Variants in STARD13 observed in about 807,000 individuals in gnomAD.
STARD13 encodes the protein StAR related lipid transfer domain containing 13, also known as stAR-related lipid transfer protein 13.
STARD13 carries 62 observed loss-of-function variants against 106.4 expected under a neutral mutation model. The ratio of observed to expected loss-of-function variants is 0.58; its 90% CI spans 0.48 to 0.72. The LOEUF (loss-of-function observed/expected upper bound fraction) is 0.72. STARD13 is among the 30% of genes least tolerant of loss of function. The probability of loss-of-function intolerance (pLI) is 0.00; values close to 1 mark genes in which losing one functional copy is unlikely to be tolerated. For synonymous variants in STARD13, 565 were observed against 553.0 expected (o/e 1.02, Z -0.31); for missense variants, 1,387 against 1,424.0 (o/e 0.97, Z 0.42).
chr13:33,215,957 A>G (rs1888015010), intron 1 of STARD13, among the ~76,000 whole-genome samples: 1 of 152,226 alleles, frequency 6.6e-6, no homozygotes, highest in South Asian at 2.1e-4. Context: ...AAACGTATAC[A>G]AAAATGCTCA....
chr13:33,621,543 G>A, the STARD13 span, among the ~76,000 whole-genome samples: 9 of 151,580 alleles, frequency 5.9e-5, no homozygotes, highest in Admixed American at 1.3e-4. Context: ...AGCCGGGTGT[G>A]GTGGTGGGTG....
intron 1 of STARD13, among the ~76,000 whole-genome samples, chr13:33,189,584 G>C (rs1886092081): frequency 6.6e-6 from 1 of 151,820 alleles, no homozygotes; most frequent in Admixed American, 6.6e-5. Flanking sequence ...TCTTGCTGCT[G>C]TGTATGAACC....
chr13:33,407,585 A>T, the STARD13 span, among the ~76,000 whole-genome samples: 1 of 152,218 alleles, frequency 6.6e-6, no homozygotes, highest in East Asian at 1.9e-4. Flanking sequence ...GATGGAAATT[A>T]TGGGTTTTTT....
At chr13:33,432,205 C>T in the STARD13 span, among the ~76,000 whole-genome samples, 1 of 152,122 alleles carries the variant, frequency 6.6e-6, no homozygotes, top group East Asian at 1.9e-4. Flanking sequence ...AGAGGACCCA[C>T]AGTCACTCGC....
intron 1 of STARD13, among the ~76,000 whole-genome samples, chr13:33,207,307 C>T (rs73179032): frequency 7.6e-4 from 116 of 152,322 alleles, no homozygotes; most frequent in Non-Finnish European, 1.2e-3. Context: ...CTTCCACTCT[C>T]ACTCAATAGA....
In STARD13 at chr13:33,129,949, G is replaced by T. The variant is rs768645520; in HGVS notation, c.728C>A (p.Pro243His). ...GGGCTTCTCATTCTTGGGGTGGAAG[G>T]GGTGGTTGAGGACATCTCTGGGGGG... ...PQPPRDVLNH[P>H]FHPKNEKPTR... The change falls in exon 5 of 14, where the codon CCC (proline) becomes CAC (histidine). Residue 243 changes from proline (P) to histidine (H), a missense_variant. By Grantham distance (77) the Pro-to-His change is moderately conservative. Coordinates refer to ENST00000336934, the MANE Select transcript of STARD13 (RefSeq NM_178006.4). The T allele has an allele frequency of 6.2e-7, 1 of 1,613,516 alleles. No homozygotes were observed. Among genetic ancestry groups the T allele is most frequent in the Non-Finnish European group, 8.5e-7 (1 of 1,179,976 alleles).
chr13:33,628,710 G>C, the STARD13 span, among the ~76,000 whole-genome samples: 2 of 152,156 alleles, frequency 1.3e-5, no homozygotes, highest in African/African-American at 4.8e-5. Flanking sequence ...AATGACTGAC[G>C]TGGCTGAGCA....
chr13:33,464,183 T>C, the STARD13 span, among the ~76,000 whole-genome samples: 4 of 151,930 alleles, frequency 2.6e-5, no homozygotes, highest in South Asian at 4.2e-4. Flanking sequence ...AGAGAGAATA[T>C]TGATGAAACA....
At chr13:33,201,115 A>G (rs1347662290) in intron 1 of STARD13, among the ~76,000 whole-genome samples, 2 of 152,214 alleles carry the variant, frequency 1.3e-5, no homozygotes, top group Non-Finnish European at 2.9e-5. Context: ...ATGCTTAAAG[A>G]AGCAATGTGC....
the STARD13 span, among the ~76,000 whole-genome samples, chr13:33,598,447 T>G: frequency 2.1e-3 from 326 of 152,318 alleles, 1 homozygote; most frequent in African/African-American, 7.4e-3. Context: ...TTTAAATTAA[T>G]CTATCCTATT....
At chr13:33,316,447 T>C (rs1434338025) in intron 1 of STARD13, among the ~76,000 whole-genome samples, 5 of 152,234 alleles carry the variant, frequency 3.3e-5, no homozygotes, top group African/African-American at 1.2e-4. Context: ...TTCCACTTTG[T>C]AGTGTGACTA....
chr13:33,288,039 A>G (rs2138424052), upstream of STARD13, among the ~76,000 whole-genome samples: 1 of 152,162 alleles, frequency 6.6e-6, no homozygotes, highest in East Asian at 1.9e-4. Context: ...TCTATTATGA[A>G]AACAAGTGGA....
At chr13:33,623,428 T>TAAAA in the STARD13 span, among the ~76,000 whole-genome samples, 20 of 59,350 alleles carry the variant, frequency 3.4e-4, no homozygotes, top group Middle Eastern at 0.011. Flanking sequence ...CTCAATAAAG[T>TAAAA]AAAAAAAAAA....
the STARD13 span, among the ~76,000 whole-genome samples, chr13:33,393,145 A>G: frequency 6.6e-6 from 1 of 152,242 alleles, no homozygotes; most frequent in South Asian, 2.1e-4. Context: ...AGTAGTTTGA[A>G]AAATTTATTT....
chr13:33,440,977 T>C, the STARD13 span, among the ~76,000 whole-genome samples: 3 of 151,654 alleles, frequency 2.0e-5, no homozygotes, highest in Admixed American at 2.0e-4. Context: ...CCTCAAACTC[T>C]GTGTCCAAAA....
chr13:33,326,474 T>C (rs1184751989), intron 1 of STARD13, among the ~76,000 whole-genome samples: 2 of 152,232 alleles, frequency 1.3e-5, no homozygotes, highest in Non-Finnish European at 2.9e-5. Context: ...AACTATTGTC[T>C]TTGGTTTCTT....
At chr13:33,555,592 C>A in the STARD13 span, among the ~76,000 whole-genome samples, 2 of 152,148 alleles carry the variant, frequency 1.3e-5, no homozygotes, top group South Asian at 2.1e-4. Context: ...CCTCTGTAGT[C>A]CAACCTAACC....
intron 1 of STARD13, among the ~76,000 whole-genome samples, chr13:33,328,917 T>C (rs889605787): frequency 3.3e-5 from 5 of 152,250 alleles, no homozygotes; most frequent in African/African-American, 1.2e-4. Context: ...ACTTTATTGT[T>C]GCCCTGGTGA....
the STARD13 span, among the ~76,000 whole-genome samples, chr13:33,669,481 C>T: frequency 1.3e-5 from 2 of 149,952 alleles, no homozygotes; most frequent in African/African-American, 5.0e-5. Flanking sequence ...TCACCTCCAT[C>T]TGGAATCTTA....
Sources: allele counts gnomAD v4.1 joint callset (sites outside exome capture counted in the v4.1 genomes callset), GRCh38; gene constraint gnomAD v4.1.1; transcripts MANE v1.5; gene names NCBI Gene and HGNC (gene_info 2026-07-23, HGNC 2026-07-21).